Variants in DNAJB1 observed in about 807,000 individuals in gnomAD.
DNAJB1 encodes dnaJ homolog subfamily B member 1.
In DNAJB1, 14 loss-of-function variants were observed where a neutral mutation model predicts 24.0. That is an observed-to-expected ratio of 0.58 (90% CI 0.39 to 0.91). The LOEUF (loss-of-function observed/expected upper bound fraction) is 0.91. DNAJB1 is among the 40% of genes least tolerant of loss of function. The probability of loss-of-function intolerance (pLI) is 0.00; values close to 1 mark genes in which losing one functional copy is unlikely to be tolerated. For synonymous variants in DNAJB1, 262 were observed against 174.4 expected (o/e 1.50, Z -3.96); for missense variants, 517 against 458.1 (o/e 1.13, Z -1.17).
upstream of DNAJB1, among the ~76,000 whole-genome samples, chr19:14,533,197 A>G (rs1305937247): frequency 2.0e-5 from 3 of 152,036 alleles, no homozygotes; most frequent in African/African-American, 7.2e-5. Context: ...AAGGTGGGCA[A>G]ATCATGTGAG....
At chr19:14,524,722 T>C (rs962119781) in intron 2 of DNAJB1, among the ~76,000 whole-genome samples, 2 of 151,436 alleles carry the variant, frequency 1.3e-5, no homozygotes, top group Non-Finnish European at 1.5e-5. Context: ...GGCGTGCACC[T>C]GTAATCCCAG....
At chr19:14,523,561 C>T (rs936283169) in intron 2 of DNAJB1, among the ~76,000 whole-genome samples, 1 of 151,560 alleles carries the variant, frequency 6.6e-6, no homozygotes, top group Non-Finnish European at 1.5e-5. Context: ...ATCCACCCAC[C>T]TTGGCCTCCC....
Position 14,516,060 on chromosome 19 carries a change from G to A in DNAJB1, c.903C>T (p.Gly301=), listed in dbSNP as rs749131685. 5 of 1,613,486 alleles carry A rather than the reference G, an allele frequency of 3.1e-6. No homozygotes were observed. The highest frequency in any genetic ancestry group is 2.2e-5 in the East Asian group (1 of 44,898). Reference sequence around the variant, plus strand: ...TCTCGGGTGTTTTGGGGAGGGGGAGGCCTTCTCCAGGAACTTTTCGCCGCA... The same window carrying A: ...TCTCGGGTGTTTTGGGGAGGGGGAGACCTTCTCCAGGAACTTTTCGCCGCA... ...PGMRRKVPGE[G]LPLPKTPEKR... is the part of the protein sequence containing the mutation. Residue 301 remains glycine, a synonymous_variant, in exon 3 of 3, where the codon GGC becomes GGT. Coordinates refer to ENST00000254322, the MANE Select transcript of DNAJB1 (RefSeq NM_006145.3).
At chr19:14,532,582 AAATT>A (rs2072715211), upstream of DNAJB1, 2 of 151,774 alleles carry the variant, frequency 1.3e-5, no homozygotes, top group African/African-American at 4.8e-5. Flanking sequence ...AGGAAAAAAT[AAATT>A]GTTATTTTGC....
chr19:14,538,470 C>T (rs527706080), intron 1 of DNAJB1, among the ~76,000 whole-genome samples: 208 of 152,160 alleles, frequency 1.4e-3, no homozygotes, highest in African/African-American at 4.8e-3. Context: ...AGATCAGCAT[C>T]CCCAGGGCTG....
At chr19:14,529,652 T>C, upstream of DNAJB1, 1 of 1,613,724 alleles carries the variant, frequency 6.2e-7, no homozygotes. Flanking sequence ...GCCGCGCAGT[T>C]AGGCAGCAGC....
upstream of DNAJB1, chr19:14,531,230 T>C (rs1377443142): frequency 3.3e-5 from 5 of 149,860 alleles, no homozygotes; most frequent in African/African-American, 4.9e-5. Flanking sequence ...GAGATGGGGG[T>C]TTCACCATGT....
chr19:14,539,414 G>C (rs925496393), intron 1 of DNAJB1, among the ~76,000 whole-genome samples: 1 of 152,056 alleles, frequency 6.6e-6, no homozygotes, highest in African/African-American at 2.4e-5. Flanking sequence ...CCCAGGAAGT[G>C]GAGGCTAGAA....
intron 1 of DNAJB1, among the ~76,000 whole-genome samples, chr19:14,538,524 ACT>A (rs920300118): frequency 7.5e-6 from 1 of 134,168 alleles, no homozygotes; most frequent in Non-Finnish European, 1.6e-5. Context: ...AGGCCTCAAA[ACT>A]CTTTTTTTTC....
At position 14,516,439 on chromosome 19, in the gene DNAJB1, C is replaced by T. The variant is rs535492653; in HGVS notation, c.792+27G>A. 1.4e-4 allele frequency: 220 copies of T among 1,601,778 alleles called. No individual in the cohort carries two copies. The African/African-American group carries it at 2.6e-3, about 19-fold the overall frequency. On this transcript the variant is annotated intron_variant, in intron 2 of 2. Transcript: ENST00000254322. ...TTCAAAAAGCAGCCATCGCCCTCTA[C>T]AGACACCGCCCCACCTGGCACCTTA...
chr19:14,551,971 CTT>C (rs1350015805), upstream of DNAJB1, among the ~76,000 whole-genome samples: 4 of 87,852 alleles, frequency 4.6e-5, no homozygotes, highest in Non-Finnish European at 8.8e-5. Context: ...CTCTCTCTCT[CTT>C]TCTCTCTTTT....
Position 14,518,139 on chromosome 19 carries a change from C to A in DNAJB1, c.211G>T (p.Gly71Cys). The A allele has an allele frequency of 6.5e-7, 1 of 1,548,986 alleles. No individual in the cohort carries two copies. The highest frequency in any genetic ancestry group is 1.2e-5 in the South Asian group (1 of 84,248). Residue 71 changes from glycine (G) to cysteine (C), a missense_variant and splice_region_variant, in exon 1 of 3, where the codon GGC becomes TGC. By Grantham distance (159) the Gly-to-Cys change is radical. Transcript: ENST00000254322. ...REIFDRYGEE[G>C]LKGSGPSGGS... ...CGCGCCCCTGGCCGCGAGCACACAC[C>A]TTCCTCCCCGTAGCGGTCGAAGATC...
upstream of DNAJB1, among the ~76,000 whole-genome samples, chr19:14,534,202 G>A (rs1292178408): frequency 3.3e-5 from 5 of 151,122 alleles, no homozygotes; most frequent in African/African-American, 9.7e-5. Context: ...TTGGCTCACT[G>A]TAAGCTCCGC....
intron 2 of DNAJB1, among the ~76,000 whole-genome samples, chr19:14,523,927 A>G (rs1267893955): frequency 6.6e-6 from 1 of 152,176 alleles, no homozygotes; most frequent in Non-Finnish European, 1.5e-5. Context: ...TCTGGCCTAT[A>G]ATAACATCTA....
upstream of DNAJB1, among the ~76,000 whole-genome samples, chr19:14,523,206 G>A (rs975001732): frequency 1.5e-4 from 23 of 149,988 alleles, no homozygotes; most frequent in Middle Eastern, 3.4e-3. Context: ...ACTCTGTCTC[G>A]AAAAGAAAAG....
chr19:14,516,354 G>A (rs1468041428), intron 2 of DNAJB1, 112 bp downstream of exon 2: 4 of 1,317,810 alleles, frequency 3.0e-6, no homozygotes, highest in Admixed American at 2.4e-5. Context: ...TCACTGTTGT[G>A]CCCCAAGCCT....
upstream of DNAJB1, chr19:14,531,459 G>C (rs1218105522): frequency 1.3e-5 from 2 of 151,040 alleles, no homozygotes; most frequent in East Asian, 4.0e-4. Context: ...TTTCGCTCTT[G>C]TTGAGTACGC....
At chr19:14,539,366 CAG>C (rs1279714465) in intron 1 of DNAJB1, among the ~76,000 whole-genome samples, 2 of 152,016 alleles carry the variant, frequency 1.3e-5, no homozygotes, top group Non-Finnish European at 2.9e-5. Flanking sequence ...ACACCACACT[CAG>C]AGCCCACTTT....
upstream of DNAJB1, chr19:14,530,146 CCCCT>C (rs1245359653): frequency 9.4e-6 from 2 of 213,298 alleles, no homozygotes; most frequent in Admixed American, 5.3e-5. Context: ...GACCTTTGGA[CCCCT>C]TCCCTCGCCC....
Sources: gnomAD v4.1 joint callset for allele counts (sites outside exome capture counted in the v4.1 genomes callset) on GRCh38, gnomAD v4.1.1 for gene constraint, MANE v1.5 for transcripts, NCBI Gene and HGNC (gene_info 2026-07-23, HGNC 2026-07-21) for gene names.